SH3PXD2B: variants seen among roughly 807,000 people sequenced by gnomAD.
SH3PXD2B encodes the protein SH3 and PX domains 2B.
Under a neutral mutation model 73.1 loss-of-function variants are expected in SH3PXD2B, and 37 were observed. That is an observed-to-expected ratio of 0.51 (90% CI 0.39 to 0.67). The LOEUF (loss-of-function observed/expected upper bound fraction) is 0.67, where lower values mean the gene tolerates loss of function less well. Among genes scored for constraint, SH3PXD2B ranks in the 30% least tolerant of loss-of-function variants. The probability of loss-of-function intolerance (pLI) is 0.00; values close to 1 mark genes in which losing one functional copy is unlikely to be tolerated. For synonymous variants in SH3PXD2B, 457 were observed against 480.5 expected (o/e 0.95, Z 0.64); for missense variants, 1,053 against 1,197.8 (o/e 0.88, Z 1.78).
At chr5:172,436,881 T>C (rs1413234299) in intron 1 of SH3PXD2B, among the ~76,000 whole-genome samples, 1 of 152,162 alleles carries the variant, frequency 6.6e-6, no homozygotes, top group African/African-American at 2.4e-5. Flanking sequence ...GGTGAATTCA[T>C]TTCCTGTAGA....
chr5:172,380,755 GCCTCTTACAGTCT>G (rs1193105543), intron 5 of SH3PXD2B, among the ~76,000 whole-genome samples: 2 of 152,204 alleles, frequency 1.3e-5, no homozygotes, highest in Admixed American at 6.5e-5. Flanking sequence ...GTTTACTGTT[GCCTCTTACAGTCT>G]CCCTTCACTC....
At chr5:172,430,643 G>A (rs917557447) in intron 1 of SH3PXD2B, among the ~76,000 whole-genome samples, 1 of 152,328 alleles carries the variant, frequency 6.6e-6, no homozygotes, top group Non-Finnish European at 1.5e-5. Flanking sequence ...TAGGTCAGCC[G>A]GACCTTGCCA....
rs376015582 is a variant in SH3PXD2B, at chr5:172,408,309, C to T, written c.157-1957G>A. 6.6e-5 allele frequency among the ~76,000 whole-genome samples: 10 copies of T among 152,088 alleles called. No individual in the cohort carries two copies. The East Asian group carries it at 1.5e-3, about 23-fold the overall frequency. ...TTGAGACAGGGTCTTGCTCTGTCAC[C>T]CAGGCTGGAGTGCGGTGGCACAATC... On this transcript the variant is annotated intron_variant, in intron 2 of 12. Transcript: ENST00000311601.
Position 172,439,690 on chromosome 5 carries a change from GCGCACA to G in SH3PXD2B, c.75+14582_75+14587del, listed in dbSNP as rs1445119335. On this transcript the variant is annotated intron_variant, in intron 1 of 12. Transcript: ENST00000311601. ...TGTGTGCGTGCGTGCGCGCACGCGC[GCGCACA>G]CACACACACACACACACACACACAC... Among the ~76,000 whole-genome samples the G allele has an allele frequency of 8.6e-3, 979 of 113,222 alleles. 4 individuals are homozygous for G. The highest frequency in any genetic ancestry group is 0.013 in the African/African-American group (343 of 26,544). 74.3% of individuals were successfully genotyped at this position (113,222 alleles called of 152,430 possible).
chr5:172,414,669 G>A (rs545485652), intron 2 of SH3PXD2B, among the ~76,000 whole-genome samples: 80 of 152,244 alleles, frequency 5.3e-4, no homozygotes, highest in Non-Finnish European at 9.3e-4. Flanking sequence ...CTGGCACAGC[G>A]TGCGGAGCAG....
chr5:172,427,772 TACC>T (rs1406289230), intron 1 of SH3PXD2B, among the ~76,000 whole-genome samples: 1 of 151,276 alleles, frequency 6.6e-6, no homozygotes, highest in East Asian at 1.9e-4. Flanking sequence ...TTGTGTGTGT[TACC>T]ACGATTTTTT....
At chr5:172,449,222 G>A (rs571177987) in intron 1 of SH3PXD2B, among the ~76,000 whole-genome samples, 15 of 152,274 alleles carry the variant, frequency 9.9e-5, no homozygotes, top group Non-Finnish European at 1.6e-4. Flanking sequence ...TTCTTCAGTC[G>A]GGGCTGAATA....
intron 12 of SH3PXD2B, among the ~76,000 whole-genome samples, chr5:172,340,550 G>A (rs555426532): frequency 6.6e-6 from 1 of 152,142 alleles, no homozygotes; most frequent in East Asian, 1.9e-4. Flanking sequence ...CTGAGCATCG[G>A]ATGAAGAAGT....
At position 172,454,417 on chromosome 5, in the gene SH3PXD2B, G is replaced by A. The variant is rs1759886443; in HGVS notation, c.-65C>T. The A allele has an allele frequency of 9.3e-7, 1 of 1,071,736 alleles. No individual in the cohort carries two copies. Among genetic ancestry groups the A allele is most frequent in the Non-Finnish European group, 1.2e-6 (1 of 859,290 alleles). 66.4% of individuals were successfully genotyped at this position (1,071,736 alleles called of 1,614,324 possible). ...GGTGGCGCGGGGTGCAGGGAGCGCT[G>A]GGGGCGCGCCGCCGCGGGCAGGGAA... On this transcript the variant is annotated 5_prime_UTR_variant, in exon 1 of 13. Transcript: ENST00000311601.
intron 1 of SH3PXD2B, among the ~76,000 whole-genome samples, chr5:172,451,310 G>A (rs1439757429): frequency 6.6e-6 from 1 of 152,226 alleles, no homozygotes; most frequent in East Asian, 1.9e-4. Flanking sequence ...AGGGGGCGTA[G>A]TGAAGAGGAC....
At chr5:172,382,363 G>A (rs1338021887) in intron 4 of SH3PXD2B, among the ~76,000 whole-genome samples, 4 of 152,088 alleles carry the variant, frequency 2.6e-5, no homozygotes, top group Non-Finnish European at 4.4e-5. Flanking sequence ...GCAAAGGAAG[G>A]AGACGGGTGT....
intron 4 of SH3PXD2B, among the ~76,000 whole-genome samples, chr5:172,382,821 T>C (rs995561582): frequency 3.9e-5 from 6 of 152,088 alleles, no homozygotes; most frequent in Non-Finnish European, 1.5e-5. Context: ...CTCTGCCTCC[T>C]GGGTTCAAGC....
rs747476350 is a variant in SH3PXD2B at position 172,362,895 on chromosome 5, T to C, written c.428-26A>G. 1.2e-5 allele frequency: 19 copies of C among 1,613,644 alleles called. No individual in the cohort carries two copies. The East Asian group carries it at 4.2e-4, about 36-fold the overall frequency. ...CTGTGGATAGGAAACAGACATGACATCTGGCCACCACTCATGCATGAAAGA... is the reference window on the plus strand; with the variant it reads ...CTGTGGATAGGAAACAGACATGACACCTGGCCACCACTCATGCATGAAAGA... On this transcript the variant is annotated intron_variant, in intron 6 of 12. Transcript: ENST00000311601.
intron 9 of SH3PXD2B, among the ~76,000 whole-genome samples, chr5:172,352,565 G>A (rs528886144): frequency 4.6e-5 from 7 of 152,266 alleles, no homozygotes; most frequent in South Asian, 2.1e-4. Flanking sequence ...TGTCCCCATC[G>A]ACATCTTGAC....
intron 3 of SH3PXD2B, among the ~76,000 whole-genome samples, chr5:172,399,811 T>G (rs1581309261): frequency 6.6e-6 from 1 of 152,356 alleles, no homozygotes; most frequent in African/African-American, 2.4e-5. Context: ...ACCAGTTTCC[T>G]CTCACACTGA....
intron 4 of SH3PXD2B, among the ~76,000 whole-genome samples, chr5:172,383,156 C>A (rs1007885763): frequency 3.9e-5 from 6 of 152,194 alleles, no homozygotes; most frequent in African/African-American, 1.4e-4. Context: ...AACATGCTCA[C>A]ATATATGTCT....
intron 6 of SH3PXD2B, among the ~76,000 whole-genome samples, chr5:172,368,568 A>AAATATAT (rs1561908264): frequency 3.1e-4 from 6 of 19,158 alleles, no homozygotes; most frequent in African/African-American, 2.2e-3. Context: ...ATATATATAA[A>AAATATAT]ATATGTTATA....
chr5:172,370,365 G>C (rs1757673064), intron 6 of SH3PXD2B, among the ~76,000 whole-genome samples: 1 of 152,184 alleles, frequency 6.6e-6, no homozygotes. Context: ...TGAATGCGCT[G>C]GGCGTTTCTG....
intron 6 of SH3PXD2B, among the ~76,000 whole-genome samples, chr5:172,371,073 A>G (rs1757693694): frequency 6.6e-6 from 1 of 152,198 alleles, no homozygotes; most frequent in Non-Finnish European, 1.5e-5. Context: ...ATCAAGTGTT[A>G]TAAAATACTC....
Sources: allele counts gnomAD v4.1 joint callset (sites outside exome capture counted in the v4.1 genomes callset), GRCh38; gene constraint gnomAD v4.1.1; transcripts MANE v1.5; gene names NCBI Gene and HGNC (gene_info 2026-07-23, HGNC 2026-07-21).